UNC79: variants seen among roughly 807,000 people sequenced by gnomAD.
The protein encoded by UNC79 is protein unc-79 homolog.
A neutral mutation model predicts 283.1 loss-of-function variants in UNC79; 37 were observed. The ratio of observed to expected loss-of-function variants is 0.13; its 90% CI spans 0.10 to 0.17. The LOEUF is 0.17. Among genes scored for constraint, UNC79 ranks in the 10% least tolerant of loss-of-function variants. UNC79 has a pLI of 1.00. For synonymous variants in UNC79, 1,107 were observed against 1,200.2 expected, an observed-to-expected ratio of 0.92 and a Z score of 1.61; for missense variants, 2,272 against 3,211.1, an observed-to-expected ratio of 0.71 and a Z score of 7.07.
Position 93,604,878 on chromosome 14 carries a change from T to C in UNC79, c.3754+1460T>C, listed in dbSNP as rs2065773481. Reference sequence around the variant, plus strand: ...GTCTGTAATGCTTATTTAAATAGAGTTGTTGTTGATTTTTAAGCTATGAGG... The same window carrying C: ...GTCTGTAATGCTTATTTAAATAGAGCTGTTGTTGATTTTTAAGCTATGAGG... On this transcript the variant is annotated intron_variant, in intron 26 of 48. Transcript: ENST00000555664. The C allele has an allele frequency of 5.8e-6, 9 of 1,561,560 alleles. No individual in the cohort carries two copies. The highest frequency in any genetic ancestry group is 7.8e-6 in the Non-Finnish European group (9 of 1,160,352).
intron 46 of UNC79, among the ~76,000 whole-genome samples, chr14:93,693,579 A>G (rs2140966203): frequency 6.6e-6 from 1 of 152,336 alleles, no homozygotes; most frequent in East Asian, 1.9e-4. Context: ...CTGATGAGGG[A>G]CATCACCTCT....
chr14:93,646,537 C>A, intron 34 of UNC79, 71 bp from the exon 38 acceptor site: 1 of 1,491,254 alleles, frequency 6.7e-7, no homozygotes, highest in South Asian at 1.1e-5. Flanking sequence ...AACAGGTCCT[C>A]CCACAATATT....
Position 93,622,505 on chromosome 14 carries a change from G to A in UNC79, c.5272G>A (p.Glu1758Lys), listed in dbSNP as rs776833151. Residue 1758 changes from glutamate to lysine, a missense_variant, in exon 30 of 49, where the codon GAG becomes AAG. Glu to Lys is a moderately conservative substitution (Grantham distance 56, BLOSUM62 1). Transcript: ENST00000555664. ...CCTTCAGAAGTCGTTTGCTCTCCCC[G>A]AGATGTCGCTGGATGATCACCCTGA... 9.9e-6 allele frequency: 16 copies of A among 1,613,928 alleles called. No individual in the cohort carries two copies. Among genetic ancestry groups the A allele is most frequent in the African/African-American group, 2.7e-5 (2 of 74,870 alleles).
chr14:93,650,738 C>T (rs976688256), intron 35 of UNC79, among the ~76,000 whole-genome samples: 1 of 152,084 alleles, frequency 6.6e-6, no homozygotes, highest in African/African-American at 2.4e-5. Flanking sequence ...TGGGGCATGC[C>T]TATTTCTTTT....
At chr14:93,423,987 A>T (rs548071633) in intron 1 of UNC79, among the ~76,000 whole-genome samples, 22 of 152,352 alleles carry the variant, frequency 1.4e-4, no homozygotes, top group African/African-American at 4.1e-4. Context: ...AATAACGAGA[A>T]TATATAAGGA....
chr14:93,657,630 C>T (rs572064478), intron 38 of UNC79, among the ~76,000 whole-genome samples: 33 of 152,198 alleles, frequency 2.2e-4, no homozygotes, highest in Admixed American at 1.1e-3. Context: ...GGATTACAGG[C>T]GTGAGCCAAA....
At chr14:93,651,777 T>A (rs950304550) in intron 35 of UNC79, among the ~76,000 whole-genome samples, 1 of 152,158 alleles carries the variant, frequency 6.6e-6, no homozygotes, top group African/African-American at 2.4e-5. Flanking sequence ...TTCGCTCTTG[T>A]TGCCCAGGCT....
chr14:93,452,362 C>T (rs1413656460), intron 1 of UNC79, among the ~76,000 whole-genome samples: 4 of 150,472 alleles, frequency 2.7e-5, no homozygotes, highest in African/African-American at 4.9e-5. Flanking sequence ...ACAGATTACA[C>T]CTGGACTGCA....
At chr14:93,527,343 T>G (rs1481596152) in intron 8 of UNC79, among the ~76,000 whole-genome samples, 1 of 152,228 alleles carries the variant, frequency 6.6e-6, no homozygotes, top group African/African-American at 2.4e-5. Flanking sequence ...ACAGCAGAAT[T>G]GAGTAGTTGT....
intron 43 of UNC79, among the ~76,000 whole-genome samples, chr14:93,687,028 C>A (rs2074293730): frequency 6.6e-6 from 1 of 152,180 alleles, no homozygotes; most frequent in African/African-American, 2.4e-5. Context: ...ACCCAAGATT[C>A]TTGTGACTCT....
intron 14 of UNC79, among the ~76,000 whole-genome samples, chr14:93,569,397 A>T (rs1033109534): frequency 6.6e-6 from 1 of 152,324 alleles, no homozygotes; most frequent in Middle Eastern, 3.4e-3. Flanking sequence ...AAATCGCGCC[A>T]TTGCACTCCA....
intron 2 of UNC79, among the ~76,000 whole-genome samples, chr14:93,473,856 A>G (rs1008826243): frequency 6.6e-6 from 1 of 152,156 alleles, no homozygotes; most frequent in Non-Finnish European, 1.5e-5. Context: ...CTTACTAACC[A>G]GATAACACAT....
intron 1 of UNC79, among the ~76,000 whole-genome samples, chr14:93,340,611 C>G (rs1488374872): frequency 6.8e-6 from 1 of 147,762 alleles, no homozygotes; most frequent in African/African-American, 2.5e-5. Context: ...CACTCTGTTT[C>G]CCAGGCTGGT....
At chr14:93,588,272 G>A (rs1335778566) in intron 22 of UNC79, among the ~76,000 whole-genome samples, 1 of 152,088 alleles carries the variant, frequency 6.6e-6, no homozygotes, top group African/African-American at 2.4e-5. Flanking sequence ...ATGGAGAAAA[G>A]AGAGATTTTT....
intron 15 of UNC79, 122 bp downstream of exon 15, chr14:93,572,206 C>T: frequency 9.8e-7 from 1 of 1,024,094 alleles, no homozygotes; most frequent in African/African-American, 1.6e-5. Flanking sequence ...TTTTAACCAC[C>T]CTGTGGAGAA....
upstream of UNC79, among the ~76,000 whole-genome samples, chr14:93,430,118 C>T (rs969093581): frequency 6.6e-6 from 1 of 152,220 alleles, no homozygotes; most frequent in Admixed American, 6.5e-5. The surrounding 1 kb of genome is among the most constrained non-coding windows in gnomAD (Gnocchi z 4.6). Context: ...TAATGTGTCC[C>T]TGTCCAGCTG....
downstream of UNC79, chr14:93,707,077 A>G: frequency 1.0e-5 from 7 of 694,688 alleles, no homozygotes; most frequent in South Asian, 1.7e-4. Flanking sequence ...TTCTTGCTAC[A>G]CATATTTCTG....
chr14:93,565,120 C>T (rs1303901819), intron 14 of UNC79, among the ~76,000 whole-genome samples: 1 of 152,244 alleles, frequency 6.6e-6, no homozygotes, highest in Non-Finnish European at 1.5e-5. Flanking sequence ...GGTACAGTTA[C>T]AGCAATCAAT....
intron 1 of UNC79, among the ~76,000 whole-genome samples, chr14:93,372,143 A>G (rs1595398800): frequency 6.6e-6 from 1 of 152,172 alleles, no homozygotes; most frequent in East Asian, 1.9e-4. Flanking sequence ...AGAAGGAATA[A>G]GTGAAGATAA....
Sources: gnomAD v4.1 joint callset for allele counts (sites outside exome capture counted in the v4.1 genomes callset) on GRCh38, gnomAD v4.1.1 for gene constraint, Gnocchi (gnomAD v3.1) non-coding constraint, MANE v1.5 for transcripts, NCBI Gene and HGNC (gene_info 2026-07-23, HGNC 2026-07-21) for gene names.